Variants in SLC1A2 observed in about 807,000 individuals in gnomAD.
SLC1A2 encodes excitatory amino acid transporter 2.
A neutral mutation model predicts 48.8 loss-of-function variants in SLC1A2; 15 were observed. The ratio of observed to expected loss-of-function variants is 0.31; its 90% CI spans 0.21 to 0.47. The LOEUF is 0.47. Among genes scored for constraint, SLC1A2 ranks in the 20% least tolerant of loss-of-function variants. The probability of loss-of-function intolerance (pLI) is 0.99; values close to 1 mark genes in which losing one functional copy is unlikely to be tolerated. For synonymous variants in SLC1A2, 279 were observed against 272.6 expected (o/e 1.02, Z -0.23); for missense variants, 502 against 730.5 (o/e 0.69, Z 3.61).
chr11:35,297,981 A>G (rs1279058792), intron 6 of SLC1A2: 1 of 152,214 alleles, frequency 6.6e-6, no homozygotes, highest in Non-Finnish European at 1.5e-5. Flanking sequence ...AAGTCACACA[A>G]CTTGCAATAG....
rs77144449 is a variant in SLC1A2, at chr11:35,355,251, G to T, written c.18-37735C>A. ...GAGTTTACTCTCAGGATGAAAAAAG[G>T]CCAAAGGTAAGACGGTCTGTGAATG... On this transcript the variant is annotated intron_variant, in intron 1 of 10. Coordinates refer to ENST00000278379, the MANE Select transcript of SLC1A2 (RefSeq NM_004171.4). 2.0e-5 allele frequency among the ~76,000 whole-genome samples: 3 copies of T among 152,266 alleles called. No individual in the cohort carries two copies. In the East Asian group the frequency reaches 5.8e-4, roughly 29 times the overall value.
chr11:35,359,883 C>A (rs1396546156), intron 1 of SLC1A2, among the ~76,000 whole-genome samples: 1 of 152,210 alleles, frequency 6.6e-6, no homozygotes, highest in East Asian at 1.9e-4. Flanking sequence ...CTGGGAAAAG[C>A]AAGTGTCTTT....
At chr11:35,414,978 C>A (rs1855566190) in intron 1 of SLC1A2, among the ~76,000 whole-genome samples, 1 of 152,090 alleles carries the variant, frequency 6.6e-6, no homozygotes, top group Non-Finnish European at 1.5e-5. Flanking sequence ...GTGACACAGC[C>A]ATGGAGGAGG....
At chr11:35,364,524 AG>A (rs1853780689) in intron 1 of SLC1A2, among the ~76,000 whole-genome samples, 1 of 152,224 alleles carries the variant, frequency 6.6e-6, no homozygotes, top group Non-Finnish European at 1.5e-5. Context: ...TTCTTTTCAA[AG>A]AGCTATGGTA....
intron 1 of SLC1A2, among the ~76,000 whole-genome samples, chr11:35,368,944 T>A (rs981312702): frequency 6.6e-6 from 1 of 152,228 alleles, no homozygotes; most frequent in Non-Finnish European, 1.5e-5. Flanking sequence ...AGGGGTGGGA[T>A]GGACAGTGCC....
At chr11:35,393,796 A>T (rs1444237032) in intron 1 of SLC1A2, among the ~76,000 whole-genome samples, 1 of 152,162 alleles carries the variant, frequency 6.6e-6, no homozygotes, top group Non-Finnish European at 1.5e-5. Context: ...AAAATCAATA[A>T]AGCAAGTGTC....
chr11:35,287,127 C>G (rs1291019886), intron 7 of SLC1A2, among the ~76,000 whole-genome samples, 176 bp from the exon 8 acceptor site: 1 of 152,134 alleles, frequency 6.6e-6, no homozygotes, highest in Admixed American at 6.5e-5. Context: ...GTTGGAGGCT[C>G]AAATTCAATC....
At position 35,312,345 on chromosome 11, in the gene SLC1A2, C is replaced by A. The variant is rs762872337; in HGVS notation, c.414G>T (p.Leu138=). The A allele has an allele frequency of 2.0e-5, 32 of 1,614,014 alleles. No individual in the cohort carries two copies. Among genetic ancestry groups the A allele is most frequent in the Non-Finnish European group, 4.2e-6 (5 of 1,180,016 alleles). ...GATTGCCTGGATGGATAGCCAAGAC[C>A]AGAATGACCCCCAGTACTGCAGCAA... is the stretch of plus-strand genomic sequence containing the variant. ...TIIAAVLGVI[L]VLAIHPGNPK... is the part of the protein sequence containing the mutation. The change falls in exon 4 of 11, where the codon CTG becomes CTT. Residue 138 remains leucine, a synonymous_variant. Coordinates refer to ENST00000278379, the MANE Select transcript of SLC1A2 (RefSeq NM_004171.4).
chr11:35,371,380 C>A (rs1209228357), intron 1 of SLC1A2, among the ~76,000 whole-genome samples: 1 of 152,212 alleles, frequency 6.6e-6, no homozygotes. Context: ...ATTGTTCTCA[C>A]TCTTCATCTC....
chr11:35,322,378 T>C (rs1205970276), intron 1 of SLC1A2, among the ~76,000 whole-genome samples: 1 of 152,200 alleles, frequency 6.6e-6, no homozygotes, highest in Non-Finnish European at 1.5e-5. Context: ...AATAGGCTCA[T>C]TAGATGTGGT....
At chr11:35,305,963 G>T in intron 5 of SLC1A2, 111 bp downstream of exon 5, 1 of 918,036 alleles carries the variant, frequency 1.1e-6, no homozygotes, top group Non-Finnish European at 1.6e-6. Context: ...CCCAGAGAGA[G>T]CCTCCTGCTC....
At chr11:35,403,946 GA>G (rs1298254305) in intron 1 of SLC1A2, among the ~76,000 whole-genome samples, 8 of 150,646 alleles carry the variant, frequency 5.3e-5, no homozygotes, top group African/African-American at 4.9e-5. Context: ...GGCAAAGAGG[GA>G]AAGTCCTCTC....
chr11:35,409,979 GC>G (rs1191253925), intron 1 of SLC1A2, among the ~76,000 whole-genome samples: 6 of 152,056 alleles, frequency 3.9e-5, no homozygotes, highest in African/African-American at 1.4e-4. Context: ...TCCCCAGCCT[GC>G]CCATCAGAAT....
Position 35,406,710 on chromosome 11 carries a change from G to C in SLC1A2, c.17+12240C>G, listed in dbSNP as rs149964706. 2.1e-4 allele frequency among the ~76,000 whole-genome samples: 32 copies of C among 152,284 alleles called. No homozygotes were observed. The East Asian group carries it at 5.0e-3, about 24-fold the overall frequency. On this transcript the variant is annotated intron_variant, in intron 1 of 10. Coordinates refer to ENST00000278379, the MANE Select transcript of SLC1A2 (RefSeq NM_004171.4). Reference sequence around the variant, plus strand: ...TAAACAGATAGAATTTACTGAGATGGGGAAACTTGGGAGTGGGTACAGATG... The same window carrying C: ...TAAACAGATAGAATTTACTGAGATGCGGAAACTTGGGAGTGGGTACAGATG...
chr11:35,402,730 C>A (rs1855171927), intron 1 of SLC1A2, among the ~76,000 whole-genome samples: 1 of 152,166 alleles, frequency 6.6e-6, no homozygotes, highest in Non-Finnish European at 1.5e-5. Context: ...ATAGCCATAG[C>A]CCAGGTGGAT....
chr11:35,274,984 G>A (rs752400012), intron 9 of SLC1A2, among the ~76,000 whole-genome samples: 90 of 152,240 alleles, frequency 5.9e-4, no homozygotes, highest in Admixed American at 3.3e-4. Context: ...TTCCTTCTCC[G>A]TCTCTAGTTC....
chr11:35,394,548 A>T lies in SLC1A2; in HGVS notation c.17+24402T>A, dbSNP rs138180276. ...AAAAACGACCAAATGACCCAGCCAA[A>T]ACAGGCCAAGTAGGCTGACCCCTTC... On this transcript the variant is annotated intron_variant, in intron 1 of 10. Coordinates refer to ENST00000278379, the MANE Select transcript of SLC1A2 (RefSeq NM_004171.4). Among the ~76,000 whole-genome samples the T allele has an allele frequency of 2.9e-3, 446 of 152,300 alleles. 3 individuals are homozygous for T. The highest frequency in any genetic ancestry group is 0.01 in the African/African-American group (419 of 41,564).
rs181769892 is a variant in SLC1A2, at chr11:35,364,451, C to G, written c.18-46935G>C. 5.3e-5 allele frequency among the ~76,000 whole-genome samples: 8 copies of G among 152,314 alleles called. No homozygotes were observed. In the East Asian group the frequency reaches 1.2e-3, roughly 22 times the overall value. ...CAATAGTAAGAAAAGTTCATTTACCCAGTAGTAGCTACACTGGCTCTAATC... is the reference window on the plus strand; with the variant it reads ...CAATAGTAAGAAAAGTTCATTTACCGAGTAGTAGCTACACTGGCTCTAATC... On this transcript the variant is annotated intron_variant, in intron 1 of 10. Coordinates refer to ENST00000278379, the MANE Select transcript of SLC1A2 (RefSeq NM_004171.4).
chr11:35,411,503 A>T (rs1347068508), intron 1 of SLC1A2, among the ~76,000 whole-genome samples: 1 of 152,126 alleles, frequency 6.6e-6, no homozygotes, highest in African/African-American at 2.4e-5. Context: ...TGCAGTGGTT[A>T]TTCACAGGCA....
Sources: gnomAD v4.1 joint callset for allele counts (sites outside exome capture counted in the v4.1 genomes callset) on GRCh38, gnomAD v4.1.1 for gene constraint, MANE v1.5 for transcripts, NCBI Gene and HGNC (gene_info 2026-07-23, HGNC 2026-07-21) for gene names.